SMAD1: variants seen among roughly 807,000 people sequenced by gnomAD.
SMAD1 encodes MAD, mothers against decapentaplegic homolog 1.
In SMAD1, 6 loss-of-function variants were observed where a neutral mutation model predicts 41.6. The observed-to-expected ratio is 0.14, with a 90% CI of 0.08 to 0.28. The LOEUF is 0.28. SMAD1 is among the 10% of genes least tolerant of loss of function. The pLI, the probability that SMAD1 is intolerant of heterozygous loss-of-function variation, is 1.00. For missense variants in SMAD1, 379 were observed against 582.6 expected, an observed-to-expected ratio of 0.65 and a Z score of 3.60; for synonymous variants, 206 against 203.2, an observed-to-expected ratio of 1.01 and a Z score of -0.12.
chr4:145,557,454 T>G (rs1232146826), intron 6 of SMAD1, among the ~76,000 whole-genome samples: 1 of 152,232 alleles, frequency 6.6e-6, no homozygotes, highest in African/African-American at 2.4e-5. Flanking sequence ...TAATAATAGC[T>G]ATTACATTAC....
At chr4:145,525,417 G>A (rs1730973163) in intron 2 of SMAD1, among the ~76,000 whole-genome samples, 1 of 152,198 alleles carries the variant, frequency 6.6e-6, no homozygotes. Context: ...AAGCAGAGCT[G>A]GAGGATTTGG....
At position 145,541,787 on chromosome 4, in the gene SMAD1, T is replaced by C. The variant is rs149516127; in HGVS notation, c.659-795T>C. Among the ~76,000 whole-genome samples, 1,122 of 152,344 alleles carry C rather than the reference T, an allele frequency of 7.4e-3. 8 individuals carry two copies. Among genetic ancestry groups the C allele is most frequent in the Non-Finnish European group, 0.013 (858 of 68,030 alleles). ...TTTGTCTCCAAGGCTCTGACACATATGCTAGATGGGCTCATGATAGCTAGT... is the reference window on the plus strand; with the variant it reads ...TTTGTCTCCAAGGCTCTGACACATACGCTAGATGGGCTCATGATAGCTAGT... On this transcript the variant is annotated intron_variant, in intron 3 of 6. Coordinates refer to ENST00000302085, the MANE Select transcript of SMAD1 (RefSeq NM_005900.3).
chr4:145,543,020 G>C (rs980855996), intron 4 of SMAD1, among the ~76,000 whole-genome samples: 2 of 151,848 alleles, frequency 1.3e-5, no homozygotes, highest in Non-Finnish European at 2.9e-5. Context: ...GGTCACCCAG[G>C]CTGGAGCACG....
chr4:145,544,414 C>G (rs1348961913), intron 4 of SMAD1: 1 of 152,116 alleles, frequency 6.6e-6, no homozygotes, highest in Non-Finnish European at 1.5e-5. Context: ...AACCCTGTCT[C>G]TACTGCAGAT....
intron 1 of SMAD1, among the ~76,000 whole-genome samples, chr4:145,508,318 G>C (rs1729898683): frequency 6.6e-6 from 1 of 151,624 alleles, no homozygotes; most frequent in Non-Finnish European, 1.5e-5. Context: ...CAAGCCATTT[G>C]GAAAAGTGGT....
chr4:145,540,493 A>T (rs958558032), intron 3 of SMAD1, among the ~76,000 whole-genome samples: 1 of 152,236 alleles, frequency 6.6e-6, no homozygotes, highest in Non-Finnish European at 1.5e-5. Context: ...TTCCTGAGGG[A>T]TCCCACCCCC....
At chr4:145,553,218 A>G (rs949213948) in intron 5 of SMAD1, among the ~76,000 whole-genome samples, 2 of 151,320 alleles carry the variant, frequency 1.3e-5, no homozygotes, top group African/African-American at 4.9e-5. Flanking sequence ...GCCTATTACT[A>G]TTTTTAAAAC....
chr4:145,494,758 G>A (rs1216935635), intron 1 of SMAD1, among the ~76,000 whole-genome samples: 1 of 152,172 alleles, frequency 6.6e-6, no homozygotes, highest in Non-Finnish European at 1.5e-5. Context: ...AGGAAATATG[G>A]TATGTTGTGA....
At chr4:145,517,420 C>T (rs1287225503) in intron 2 of SMAD1, among the ~76,000 whole-genome samples, 1 of 152,076 alleles carries the variant, frequency 6.6e-6, no homozygotes, top group East Asian at 1.9e-4. Context: ...ACACATATCT[C>T]CCTACTCTGC....
chr4:145,547,315 G>T (rs1732302717), intron 5 of SMAD1, among the ~76,000 whole-genome samples: 1 of 152,096 alleles, frequency 6.6e-6, no homozygotes, highest in Non-Finnish European at 1.5e-5. Flanking sequence ...GAAAGAACTA[G>T]ATTTTAGCAC....
intron 6 of SMAD1, among the ~76,000 whole-genome samples, chr4:145,556,029 A>T (rs1254918821): frequency 6.6e-6 from 1 of 152,084 alleles, no homozygotes; most frequent in African/African-American, 2.4e-5. Flanking sequence ...GTTCTTTATT[A>T]TAAGGACTGC....
chr4:145,493,813 C>A (rs1728905987), intron 1 of SMAD1, among the ~76,000 whole-genome samples: 1 of 152,196 alleles, frequency 6.6e-6, no homozygotes, highest in Admixed American at 6.5e-5. Context: ...AACTGTAAGT[C>A]ATTTTCTGCC....
chr4:145,521,786 T>TTGTAATATTCTGTGATAGTC (rs1730752668), intron 2 of SMAD1, among the ~76,000 whole-genome samples: 1 of 152,134 alleles, frequency 6.6e-6, no homozygotes, highest in Middle Eastern at 3.2e-3. Flanking sequence ...TGTGATAATT[T>TTGTAATATTCTGTGATAGTC]TGTAATATTC....
intron 1 of SMAD1, among the ~76,000 whole-genome samples, chr4:145,494,416 C>T (rs1330113434): frequency 6.6e-6 from 1 of 152,222 alleles, no homozygotes; most frequent in Non-Finnish European, 1.5e-5. Context: ...ACAATACAAA[C>T]CTGCTTGTCT....
intron 2 of SMAD1, among the ~76,000 whole-genome samples, chr4:145,519,837 A>G (rs1468437027): frequency 6.6e-6 from 1 of 152,132 alleles, no homozygotes; most frequent in African/African-American, 2.4e-5. Context: ...CCACCATTCT[A>G]ATTCTACACT....
intron 1 of SMAD1, among the ~76,000 whole-genome samples, chr4:145,495,701 G>C (rs112272623): frequency 7.0e-6 from 1 of 143,394 alleles, no homozygotes; most frequent in African/African-American, 2.6e-5. Flanking sequence ...TTGTAACTTC[G>C]AACTCTTGGG....
intron 2 of SMAD1, among the ~76,000 whole-genome samples, chr4:145,521,589 G>C (rs1730741508): frequency 6.6e-6 from 1 of 151,908 alleles, no homozygotes; most frequent in Admixed American, 6.6e-5. Flanking sequence ...TTCGTGTCTT[G>C]GTAAATTTTA....
In SMAD1 at chr4:145,544,661, A is replaced by G. The variant is rs190166951; in HGVS notation, c.775+1963A>G. The G allele has an allele frequency of 2.4e-4, 37 of 151,802 alleles. No individual in the cohort carries two copies. In the East Asian group the frequency reaches 5.0e-3, roughly 21 times the overall value. 9.4% of individuals were successfully genotyped at this position (151,802 alleles called of 1,614,324 possible). On this transcript the variant is annotated intron_variant, in intron 4 of 6. Coordinates refer to ENST00000302085, the MANE Select transcript of SMAD1 (RefSeq NM_005900.3). ...TGTGCAGTGTCATAAATTGGAATGT[A>G]CACCACTTTAATCATTATGATTTTT...
intron 1 of SMAD1, among the ~76,000 whole-genome samples, chr4:145,501,963 C>T (rs1334024906): frequency 4.6e-5 from 7 of 152,100 alleles, no homozygotes; most frequent in African/African-American, 1.2e-4. Context: ...CAAACAATTT[C>T]GTTTATTAGC....
Sources: gnomAD v4.1 joint callset for allele counts (sites outside exome capture counted in the v4.1 genomes callset) on GRCh38, gnomAD v4.1.1 for gene constraint, MANE v1.5 for transcripts, NCBI Gene and HGNC (gene_info 2026-07-23, HGNC 2026-07-21) for gene names.